BMPR1A: variants seen among roughly 807,000 people sequenced by gnomAD.
BMPR1A encodes the protein bone morphogenetic protein receptor type-1A.
BMPR1A carries 7 observed loss-of-function variants against 66.0 expected under a neutral mutation model. The observed-to-expected ratio is 0.11, with a 90% CI of 0.06 to 0.20. The LOEUF (loss-of-function observed/expected upper bound fraction) is 0.20, where lower values mean the gene tolerates loss of function less well. Among genes scored for constraint, BMPR1A ranks in the 10% least tolerant of loss-of-function variants. The pLI is 1.00. For missense variants in BMPR1A, 408 were observed against 669.1 expected (o/e 0.61, Z 4.31); for synonymous variants, 200 against 229.7 (o/e 0.87, Z 1.17).
chr10:86,847,442 C>G (rs1322953405), intron 2 of BMPR1A, among the ~76,000 whole-genome samples: 1 of 152,028 alleles, frequency 6.6e-6, no homozygotes, highest in Non-Finnish European at 1.5e-5. Context: ...TTTTGTTTCT[C>G]CCTTCCCTGC....
At position 86,869,805 on chromosome 10, in the gene BMPR1A, G is replaced by A. The variant is rs1842832722; in HGVS notation, c.-152-6062G>A. ...AAAAATAAGGTTAATATTTTGCTATGTGATTGTAGAAACAGTTAATATGAG... is the reference window on the plus strand; with the variant it reads ...AAAAATAAGGTTAATATTTTGCTATATGATTGTAGAAACAGTTAATATGAG... On this transcript the variant is annotated intron_variant, in intron 2 of 12. Transcript: ENST00000372037. Among the ~76,000 whole-genome samples the A allele has an allele frequency of 2.0e-5, 3 of 151,962 alleles. No homozygotes were observed. The South Asian group carries it at 6.2e-4, about 32-fold the overall frequency.
At chr10:86,834,518 A>G (rs1045335851) in intron 1 of BMPR1A, among the ~76,000 whole-genome samples, 1 of 152,204 alleles carries the variant, frequency 6.6e-6, no homozygotes, top group Non-Finnish European at 1.5e-5. Context: ...TGGACTATGG[A>G]TTTAGTACAA....
chr10:86,921,815 T>C (rs924865503), intron 11 of BMPR1A, 120 bp downstream of exon 11: 4 of 1,264,140 alleles, frequency 3.2e-6, no homozygotes, highest in South Asian at 1.3e-5. Flanking sequence ...GTATATATTA[T>C]TGGATAAGGA....
At chr10:86,793,646 C>T (rs1841663754) in intron 1 of BMPR1A, among the ~76,000 whole-genome samples, 1 of 151,942 alleles carries the variant, frequency 6.6e-6, no homozygotes, top group Admixed American at 6.6e-5. Context: ...CTGCGCCAGG[C>T]CTGACAGATA....
intron 2 of BMPR1A, among the ~76,000 whole-genome samples, chr10:86,852,710 A>G (rs1842587598): frequency 1.3e-5 from 2 of 152,074 alleles, no homozygotes; most frequent in South Asian, 4.1e-4. Flanking sequence ...GTGAAGTAAA[A>G]TAGAGAATAC....
At chr10:86,915,444 C>G (rs1278032133) in intron 8 of BMPR1A, among the ~76,000 whole-genome samples, 3 of 152,092 alleles carry the variant, frequency 2.0e-5, no homozygotes, top group African/African-American at 7.2e-5. Context: ...AAAAAGGGTA[C>G]ATTTTATATA....
intron 1 of BMPR1A, among the ~76,000 whole-genome samples, chr10:86,792,957 G>C (rs1453230638): frequency 1.3e-5 from 2 of 152,138 alleles, no homozygotes; most frequent in East Asian, 3.8e-4. Context: ...GTCTAGTGCA[G>C]CTTCTTGGCA....
At chr10:86,810,435 G>A (rs573735663) in intron 1 of BMPR1A, among the ~76,000 whole-genome samples, 3 of 152,118 alleles carry the variant, frequency 2.0e-5, no homozygotes, top group South Asian at 4.2e-4. Flanking sequence ...GTTTCTCTTC[G>A]GTATATAGGA....
intron 1 of BMPR1A, among the ~76,000 whole-genome samples, chr10:86,794,708 A>C (rs1192795248): frequency 6.6e-6 from 1 of 152,100 alleles, no homozygotes; most frequent in Non-Finnish European, 1.5e-5. Context: ...TCAGATTCAC[A>C]TATTTCCTTT....
chr10:86,899,190 G>A (rs904341858), intron 5 of BMPR1A, among the ~76,000 whole-genome samples: 2 of 152,232 alleles, frequency 1.3e-5, no homozygotes, highest in Non-Finnish European at 2.9e-5. Flanking sequence ...AACATCACAT[G>A]CAAGTGCTGC....
At chr10:86,827,877 G>C (rs1842216971) in intron 1 of BMPR1A, among the ~76,000 whole-genome samples, 1 of 152,152 alleles carries the variant, frequency 6.6e-6, no homozygotes, top group South Asian at 2.1e-4. Flanking sequence ...TTGCAGGCCG[G>C]GCACGGTGGT....
intron 7 of BMPR1A, among the ~76,000 whole-genome samples, chr10:86,901,316 T>G (rs1843306916): frequency 6.6e-6 from 1 of 152,218 alleles, no homozygotes; most frequent in Non-Finnish European, 1.5e-5. Flanking sequence ...CAATTGCTGT[T>G]TTAAGCCACT....
At chr10:86,762,987 C>G (rs1841093177) in intron 1 of BMPR1A, among the ~76,000 whole-genome samples, 1 of 152,146 alleles carries the variant, frequency 6.6e-6, no homozygotes, top group Non-Finnish European at 1.5e-5. Context: ...ACCTCTACCT[C>G]CCGGGTTAAG....
chr10:86,862,812 C>T (rs926336455), intron 2 of BMPR1A, among the ~76,000 whole-genome samples: 1 of 151,914 alleles, frequency 6.6e-6, no homozygotes, highest in Non-Finnish European at 1.5e-5. Flanking sequence ...GATTTTAGAC[C>T]TGGGACTTTT....
intron 1 of BMPR1A, among the ~76,000 whole-genome samples, chr10:86,835,548 TCAAA>T (rs1330114889): frequency 8.0e-4 from 9 of 11,280 alleles, no homozygotes; most frequent in Non-Finnish European, 1.4e-3. Flanking sequence ...AGACTCTGTA[TCAAA>T]AAAAAAAAAA....
At chr10:86,879,841 C>G (rs527763804) in intron 3 of BMPR1A, among the ~76,000 whole-genome samples, 2 of 152,266 alleles carry the variant, frequency 1.3e-5, no homozygotes, top group East Asian at 1.9e-4. Context: ...TATAAAACTT[C>G]CATTCAGAGG....
chr10:86,778,927 C>CTTTTT (rs34496927), intron 1 of BMPR1A, among the ~76,000 whole-genome samples: 1 of 118,490 alleles, frequency 8.4e-6, no homozygotes, highest in African/African-American at 3.1e-5. Flanking sequence ...TATGTATTTT[C>CTTTTT]TTTTTTTTTT....
At chr10:86,816,481 A>C (rs958969084) in intron 1 of BMPR1A, among the ~76,000 whole-genome samples, 10 of 152,198 alleles carry the variant, frequency 6.6e-5, no homozygotes, top group Non-Finnish European at 1.3e-4. Flanking sequence ...TTGTCAGAGA[A>C]ACTGAATCAG....
chr10:86,805,381 C>T (rs1841875219), intron 1 of BMPR1A, among the ~76,000 whole-genome samples: 1 of 150,674 alleles, frequency 6.6e-6, no homozygotes, highest in Non-Finnish European at 1.5e-5. Flanking sequence ...TACCTGTACA[C>T]ACACACACAC....
Sources: gnomAD v4.1 joint callset for allele counts (sites outside exome capture counted in the v4.1 genomes callset) on GRCh38, gnomAD v4.1.1 for gene constraint, MANE v1.5 for transcripts, NCBI Gene and HGNC (gene_info 2026-07-23, HGNC 2026-07-21) for gene names.